PPFIA2: variants seen among roughly 807,000 people sequenced by gnomAD.
PPFIA2 encodes the protein liprin-alpha-2.
Under a neutral mutation model 175.5 loss-of-function variants are expected in PPFIA2, and 46 were observed. That is an observed-to-expected ratio of 0.26 (90% CI 0.21 to 0.34). The LOEUF is 0.34. Among genes scored for constraint, PPFIA2 ranks in the 10% least tolerant of loss-of-function variants. PPFIA2 has a pLI of 1.00. For synonymous variants in PPFIA2, 568 were observed against 511.4 expected (o/e 1.11, Z -1.49); for missense variants, 1,179 against 1,506.1 (o/e 0.78, Z 3.60).
At chr12:81,425,937 G>A (rs889275456) in intron 7 of PPFIA2, among the ~76,000 whole-genome samples, 5 of 152,144 alleles carry the variant, frequency 3.3e-5, no homozygotes, top group African/African-American at 1.2e-4. Flanking sequence ...TAGTTGTGTG[G>A]TAAAGAATTT....
At chr12:81,387,382 CAT>C (rs2039213157) in intron 8 of PPFIA2, among the ~76,000 whole-genome samples, 1 of 152,100 alleles carries the variant, frequency 6.6e-6, no homozygotes. Context: ...GCAAATGACA[CAT>C]AGAGTAGAAT....
chr12:81,617,348 G>C (rs1231182675), intron 4 of PPFIA2, among the ~76,000 whole-genome samples: 1 of 152,126 alleles, frequency 6.6e-6, no homozygotes, highest in African/African-American at 2.4e-5. Flanking sequence ...CAGTCTAGAG[G>C]AATGGTTCTT....
At chr12:81,317,923 G>T (rs187771402) in intron 22 of PPFIA2, among the ~76,000 whole-genome samples, 32 of 151,668 alleles carry the variant, frequency 2.1e-4, no homozygotes, top group African/African-American at 6.5e-4. Context: ...ATCCTACTAT[G>T]TACATATGCC....
chr12:81,583,893 T>A (rs2074795743), intron 4 of PPFIA2, among the ~76,000 whole-genome samples: 1 of 151,956 alleles, frequency 6.6e-6, no homozygotes, highest in Non-Finnish European at 1.5e-5. Flanking sequence ...ATGGCTGGTA[T>A]GTATGTATTA....
intron 7 of PPFIA2, among the ~76,000 whole-genome samples, chr12:81,439,654 A>T (rs1485136457): frequency 6.6e-6 from 1 of 152,258 alleles, no homozygotes; most frequent in East Asian, 1.9e-4. Flanking sequence ...CAGTTATTTG[A>T]TATGTGTTCC....
intron 4 of PPFIA2, among the ~76,000 whole-genome samples, chr12:81,664,399 C>G (rs1224400289): frequency 6.6e-6 from 1 of 152,068 alleles, no homozygotes; most frequent in Admixed American, 6.5e-5. Context: ...AGACACTTCT[C>G]AAAAGAAGAC....
intron 4 of PPFIA2, among the ~76,000 whole-genome samples, chr12:81,463,121 T>C (rs2054953485): frequency 6.6e-6 from 1 of 152,060 alleles, no homozygotes; most frequent in Admixed American, 6.6e-5. Flanking sequence ...TTAAATATAG[T>C]AAATGTGCAT....
intron 4 of PPFIA2, among the ~76,000 whole-genome samples, chr12:81,663,560 C>T (rs1021421363): frequency 2.6e-5 from 4 of 152,148 alleles, no homozygotes; most frequent in Non-Finnish European, 4.4e-5. Context: ...AATGGAAGAA[C>T]ATTCCATGCT....
At chr12:81,487,958 T>G (rs550572347) in intron 4 of PPFIA2, among the ~76,000 whole-genome samples, 1 of 152,082 alleles carries the variant, frequency 6.6e-6, no homozygotes, top group South Asian at 2.1e-4. Flanking sequence ...TTCCATTTAA[T>G]TTTGTATTCA....
chr12:81,405,776 G>A lies in PPFIA2; in HGVS notation c.762+11C>T, dbSNP rs1178470809. ...ACATTTCCATGTAAGAGCATGTGGG[G>A]TGTGTCATACCTTCTCATGGACTTT... On this transcript the variant is annotated intron_variant, in intron 8 of 32. Transcript: ENST00000549396. The A allele has an allele frequency of 2.1e-6, 3 of 1,403,932 alleles. No individual in the cohort carries two copies. The highest frequency in any genetic ancestry group is 4.9e-5 in the East Asian group (2 of 40,426). 87.0% of individuals were successfully genotyped at this position (1,403,932 alleles called of 1,614,324 possible).
At chr12:81,565,732 C>T (rs973461513) in intron 4 of PPFIA2, among the ~76,000 whole-genome samples, 2 of 152,148 alleles carry the variant, frequency 1.3e-5, no homozygotes, top group Non-Finnish European at 2.9e-5. Flanking sequence ...CTTAACATAA[C>T]TGAGATTGTG....
chr12:81,758,253 G>A, intron 2 of PPFIA2, 147 bp downstream of exon 2: 1 of 395,364 alleles, frequency 2.5e-6, no homozygotes, highest in Non-Finnish European at 5.2e-6. Context: ...AGGAGATGGA[G>A]AGGATGAGGT....
In PPFIA2 at chr12:81,266,040, T is replaced by G. The variant is rs1565799695; in HGVS notation, c.3555+912A>C. On this transcript the variant is annotated intron_variant, in intron 30 of 32. Transcript: ENST00000549396. ...TGAGTTCAAGACTGTAGAACTTATC[T>G]CTCTATAATCCCCACCATAAAGGAC... 2.0e-5 allele frequency among the ~76,000 whole-genome samples: 3 copies of G among 152,210 alleles called. No individual in the cohort carries two copies. The East Asian group carries it at 5.8e-4, about 29-fold the overall frequency.
intron 16 of PPFIA2, among the ~76,000 whole-genome samples, chr12:81,354,209 A>T (rs772722904): frequency 1.3e-4 from 20 of 152,118 alleles, no homozygotes; most frequent in South Asian, 4.1e-4. Context: ...TGCCACATTG[A>T]TTGACTCTTT....
At chr12:81,688,954 C>A (rs979338207) in intron 3 of PPFIA2, among the ~76,000 whole-genome samples, 1 of 151,200 alleles carries the variant, frequency 6.6e-6, no homozygotes, top group African/African-American at 2.4e-5. Flanking sequence ...TCATAATAAG[C>A]TGGCAAGAAA....
In PPFIA2 at chr12:81,259,232, A is replaced by T. The variant is rs1380717737; in HGVS notation, c.*462T>A. 2 of 249,756 alleles carry T rather than the reference A, an allele frequency of 8.0e-6. No individual in the cohort carries two copies. Among genetic ancestry groups the T allele is most frequent in the African/African-American group, 4.7e-5 (2 of 42,894 alleles). 15.5% of individuals were successfully genotyped at this position (249,756 alleles called of 1,614,324 possible). A position where few individuals can be genotyped will look rare whatever the true frequency, so the allele number is the denominator to read the frequency against. ...AATGGTGGAATGGTAAAATACAAAC[A>T]GTACTTGGAATTGTCAAATGTTTGC... On this transcript the variant is annotated 3_prime_UTR_variant, in exon 33 of 33. Transcript: ENST00000549396.
chr12:81,661,191 G>C (rs549827649), intron 4 of PPFIA2, among the ~76,000 whole-genome samples: 1 of 151,972 alleles, frequency 6.6e-6, no homozygotes, highest in African/African-American at 2.4e-5. Context: ...AAATTCACAC[G>C]TTAACAATAT....
chr12:81,482,776 A>G (rs2058388225), intron 4 of PPFIA2, among the ~76,000 whole-genome samples: 1 of 152,110 alleles, frequency 6.6e-6, no homozygotes, highest in Admixed American at 6.6e-5. Context: ...TACGAGAAAT[A>G]CCTAATAGCT....
chr12:81,289,083 C>T lies in PPFIA2; in HGVS notation c.2926-4780G>A, dbSNP rs146206561. ...TTTACTTCTTTACATTAGTTTTGCCCATTTGTGAAACAGCTATAATAAAAG... is the reference window on the plus strand; with the variant it reads ...TTTACTTCTTTACATTAGTTTTGCCTATTTGTGAAACAGCTATAATAAAAG... On this transcript the variant is annotated intron_variant, in intron 24 of 32. Coordinates refer to ENST00000549396, the MANE Select transcript of PPFIA2 (RefSeq NM_003625.5). Among the ~76,000 whole-genome samples the T allele has an allele frequency of 4.4e-4, 67 of 151,824 alleles. No individual in the cohort carries two copies. The East Asian group carries it at 0.011, about 24-fold the overall frequency.
Sources: gnomAD v4.1 joint callset for allele counts (sites outside exome capture counted in the v4.1 genomes callset) on GRCh38, gnomAD v4.1.1 for gene constraint, MANE v1.5 for transcripts, NCBI Gene and HGNC (gene_info 2026-07-23, HGNC 2026-07-21) for gene names.